IFT56: variants seen among roughly 807,000 people sequenced by gnomAD.
IFT56 encodes intraflagellar transport 56.
chr7:139,164,537 G>T, the IFT56 span, among the ~76,000 whole-genome samples: 1,206 of 152,222 alleles, frequency 7.9e-3, 27 homozygotes, highest in East Asian at 0.074. Context: ...TTAAATGTTT[G>T]TGAGTATACA....
At chr7:139,171,496 A>G in the IFT56 span, among the ~76,000 whole-genome samples, 1 of 152,200 alleles carries the variant, frequency 6.6e-6, no homozygotes. Context: ...ACACAGACAT[A>G]TAGACCAATG....
At chr7:139,146,817 A>G in the IFT56 span, among the ~76,000 whole-genome samples, 1 of 151,660 alleles carries the variant, frequency 6.6e-6, no homozygotes, top group Non-Finnish European at 1.5e-5. Context: ...AAATGTTACC[A>G]GGTAATAGTA....
the IFT56 span, among the ~76,000 whole-genome samples, chr7:139,138,960 G>A: frequency 1.1e-4 from 17 of 151,852 alleles, no homozygotes; most frequent in South Asian, 4.2e-4. Context: ...ACAGACATGC[G>A]CCACCATGCC....
At chr7:139,175,426 G>A in the IFT56 span, among the ~76,000 whole-genome samples, 3 of 152,250 alleles carry the variant, frequency 2.0e-5, no homozygotes, top group East Asian at 5.8e-4. Flanking sequence ...GCAAACCAAT[G>A]TTTATTGCAG....
At chr7:139,172,779 T>A in the IFT56 span, 1 of 639,160 alleles carries the variant, frequency 1.6e-6, no homozygotes, top group East Asian at 4.0e-5. Context: ...TTGTCAGGCA[T>A]AAGCTTCAGG....
chr7:139,174,079 G>A, the IFT56 span: 1 of 603,782 alleles, frequency 1.7e-6, no homozygotes, highest in South Asian at 1.4e-5. Flanking sequence ...CTTTCTTCCT[G>A]TGCTGCTCAG....
the IFT56 span, among the ~76,000 whole-genome samples, chr7:139,157,290 A>G: frequency 0.25 from 37,316 of 149,630 alleles, 8,357 homozygotes; most frequent in African/African-American, 0.57. Flanking sequence ...GGGATTACAG[A>G]CATCCGCCAC....
At chr7:139,161,176 T>C in the IFT56 span, 1 of 570,934 alleles carries the variant, frequency 1.8e-6, no homozygotes, top group Non-Finnish European at 3.0e-6. Context: ...AGTTTTAAAG[T>C]ACTAATCTGT....
chr7:139,136,769 G>C, the IFT56 span, among the ~76,000 whole-genome samples: 1 of 152,130 alleles, frequency 6.6e-6, no homozygotes, highest in Non-Finnish European at 1.5e-5. Context: ...CTTTAAGTTG[G>C]CAGGGAGGCT....
the IFT56 span, among the ~76,000 whole-genome samples, chr7:139,179,089 T>C: frequency 1.3e-5 from 2 of 152,208 alleles, no homozygotes; most frequent in African/African-American, 4.8e-5. Flanking sequence ...GGTCATAGAA[T>C]GTGCTCTGGG....
At chr7:139,171,304 A>G in the IFT56 span, among the ~76,000 whole-genome samples, 1 of 152,214 alleles carries the variant, frequency 6.6e-6, no homozygotes, top group South Asian at 2.1e-4. Context: ...TCCCTATGAA[A>G]ATACCAATGA....
At chr7:139,133,789 T>C in the IFT56 span, 1 of 1,609,480 alleles carries the variant, frequency 6.2e-7, no homozygotes, top group South Asian at 1.1e-5. Context: ...GAACGTGCTG[T>C]GTGGATGCGG....
At chr7:139,183,173 A>T in the IFT56 span, among the ~76,000 whole-genome samples, 1 of 152,036 alleles carries the variant, frequency 6.6e-6, no homozygotes, top group East Asian at 1.9e-4. Flanking sequence ...TGATGGAGTT[A>T]GGCCCTGAGG....
chr7:139,169,463 A>G, the IFT56 span: 2 of 934,000 alleles, frequency 2.1e-6, no homozygotes, highest in Non-Finnish European at 3.4e-6. Flanking sequence ...TTCACATTAT[A>G]AAGTGGGAGG....
chr7:139,154,513 A>G, the IFT56 span, among the ~76,000 whole-genome samples: 1 of 152,066 alleles, frequency 6.6e-6, no homozygotes, highest in Non-Finnish European at 1.5e-5. Flanking sequence ...AACATTTGTA[A>G]ATGGCATGAG....
the IFT56 span, among the ~76,000 whole-genome samples, chr7:139,182,983 T>C: frequency 2.0e-5 from 3 of 152,044 alleles, no homozygotes; most frequent in Non-Finnish European, 2.9e-5. Flanking sequence ...CTTAAAAAAT[T>C]TGATATTAAA....
chr7:139,178,685 T>G, the IFT56 span: 1 of 1,211,204 alleles, frequency 8.3e-7, no homozygotes. Context: ...GGTCAAGGGT[T>G]AAGGATTATT....
At chr7:139,147,701 C>T in the IFT56 span, among the ~76,000 whole-genome samples, 1 of 152,186 alleles carries the variant, frequency 6.6e-6, no homozygotes, top group African/African-American at 2.4e-5. Context: ...ATGTATCAAA[C>T]TTAGTGTTAT....
chr7:139,133,784 T>A, the IFT56 span: 1 of 1,604,238 alleles, frequency 6.2e-7, no homozygotes, highest in Non-Finnish European at 8.5e-7. Flanking sequence ...AGACAGAACG[T>A]GCTGTGTGGA....
Sources: gnomAD v4.1 joint callset for allele counts (sites outside exome capture counted in the v4.1 genomes callset) on GRCh38, gnomAD v4.1.1 for gene constraint, MANE v1.5 for transcripts, NCBI Gene and HGNC (gene_info 2026-07-23, HGNC 2026-07-21) for gene names.